The following FBLN7 variants were observed in gnomAD, a reference collection of about 807,000 sequenced individuals.
FBLN7 encodes fibulin 7.
Under a neutral mutation model 44.0 loss-of-function variants are expected in FBLN7, and 31 were observed. The ratio of observed to expected loss-of-function variants is 0.70; its 90% CI spans 0.53 to 0.95. The LOEUF is 0.95. Ranked by LOEUF, FBLN7 falls within the 40% of genes least tolerant of loss-of-function variation. The probability of loss-of-function intolerance (pLI) is 0.00; values close to 1 mark genes in which losing one functional copy is unlikely to be tolerated. For missense variants in FBLN7, 573 were observed against 618.5 expected (o/e 0.93, Z 0.78); for synonymous variants, 262 against 253.4 (o/e 1.03, Z -0.32).
chr2:112,200,031 T>C, the FBLN7 span, among the ~76,000 whole-genome samples: 2 of 152,212 alleles, frequency 1.3e-5, no homozygotes, highest in Non-Finnish European at 2.9e-5. Flanking sequence ...TATTCTGTTA[T>C]AGCAACAGAA....
chr2:112,216,821 G>A, the FBLN7 span, among the ~76,000 whole-genome samples: 1 of 151,478 alleles, frequency 6.6e-6, no homozygotes, highest in African/African-American at 2.4e-5. Flanking sequence ...AAACATTATC[G>A]GACAAAAGCA....
chr2:112,229,035 G>T, the FBLN7 span, among the ~76,000 whole-genome samples: 1 of 152,172 alleles, frequency 6.6e-6, no homozygotes, highest in Non-Finnish European at 1.5e-5. Flanking sequence ...TAATCAAAAT[G>T]ACTGACAGTA....
intron 3 of FBLN7, among the ~76,000 whole-genome samples, chr2:112,173,934 G>A (rs1021912028): frequency 2.6e-5 from 4 of 152,208 alleles, no homozygotes; most frequent in Non-Finnish European, 2.9e-5. Flanking sequence ...CAGAGTGTAC[G>A]GTCCTGGGAC....
the FBLN7 span, among the ~76,000 whole-genome samples, chr2:112,200,594 G>C: frequency 1.3e-5 from 2 of 152,092 alleles, no homozygotes; most frequent in African/African-American, 2.4e-5. Flanking sequence ...GAGTGCAGTC[G>C]CACAATCTCG....
rs376717213 is a variant in FBLN7, at chr2:112,165,223, A to G, written c.406+52A>G. ...GCGCTGGACCCATCACAGTATAGCAAGGGTTTCTTGCATAGAAAGGGTCAT... is the reference window on the plus strand; with the variant it reads ...GCGCTGGACCCATCACAGTATAGCAGGGGTTTCTTGCATAGAAAGGGTCAT... On this transcript the variant is annotated intron_variant, in intron 3 of 7. Coordinates refer to ENST00000331203, the MANE Select transcript of FBLN7 (RefSeq NM_153214.3). The G allele has an allele frequency of 1.4e-4, 214 of 1,567,056 alleles. No individual in the cohort carries two copies. In the African/African-American group the frequency reaches 2.3e-3, roughly 17 times the overall value.
At chr2:112,160,056 T>C (rs1204563690) in intron 2 of FBLN7, among the ~76,000 whole-genome samples, 2 of 152,162 alleles carry the variant, frequency 1.3e-5, no homozygotes, top group Non-Finnish European at 2.9e-5. Context: ...AGTGGCGCGA[T>C]CTCGGCTCAC....
At chr2:112,235,989 T>G in the FBLN7 span, among the ~76,000 whole-genome samples, 1 of 147,528 alleles carries the variant, frequency 6.8e-6, no homozygotes, top group African/African-American at 2.5e-5. Context: ...GGCTCATGCC[T>G]GTAATCCCAG....
chr2:112,157,807 C>T (rs1051137625), intron 1 of FBLN7, among the ~76,000 whole-genome samples: 5 of 152,024 alleles, frequency 3.3e-5, no homozygotes, highest in Non-Finnish European at 5.9e-5. Flanking sequence ...AGTCTGTTGC[C>T]CAGGGTGGTC....
At chr2:112,160,415 A>C (rs1042583641) in intron 2 of FBLN7, among the ~76,000 whole-genome samples, 2 of 152,056 alleles carry the variant, frequency 1.3e-5, no homozygotes, top group African/African-American at 2.4e-5. Flanking sequence ...CAGCCTTTTC[A>C]TTCTGGCCTT....
At chr2:112,236,050 G>C in the FBLN7 span, among the ~76,000 whole-genome samples, 1 of 151,924 alleles carries the variant, frequency 6.6e-6, no homozygotes, top group Non-Finnish European at 1.5e-5. Context: ...GATCACCTGA[G>C]GTCAGGAGTT....
chr2:112,205,690 C>A, the FBLN7 span, among the ~76,000 whole-genome samples: 1 of 152,086 alleles, frequency 6.6e-6, no homozygotes, highest in African/African-American at 2.4e-5. Flanking sequence ...TTGTCTGTCA[C>A]TTCACCAGTA....
At chr2:112,173,033 C>A (rs1012604390) in intron 3 of FBLN7, among the ~76,000 whole-genome samples, 3 of 152,146 alleles carry the variant, frequency 2.0e-5, no homozygotes, top group Non-Finnish European at 2.9e-5. Context: ...ATTAAGGAGA[C>A]TTTAACGGGA....
intron 1 of FBLN7, chr2:112,151,753 G>A (rs971411941): frequency 3.3e-5 from 5 of 152,168 alleles, no homozygotes; most frequent in African/African-American, 1.2e-4. Context: ...TCATATACCC[G>A]GCTTGTGTAC....
At chr2:112,145,433 TA>T (rs1406512866) in intron 1 of FBLN7, among the ~76,000 whole-genome samples, 1 of 152,170 alleles carries the variant, frequency 6.6e-6, no homozygotes, top group Admixed American at 6.5e-5. Flanking sequence ...TGATTGTTTT[TA>T]ATAAATTTTG....
At chr2:112,233,826 GCCACTGCACT>G in the FBLN7 span, among the ~76,000 whole-genome samples, 2 of 151,946 alleles carry the variant, frequency 1.3e-5, no homozygotes, top group Non-Finnish European at 2.9e-5. Flanking sequence ...CCGAGAATGC[GCCACTGCACT>G]CCAGCCCAGG....
intron 3 of FBLN7, among the ~76,000 whole-genome samples, chr2:112,172,371 G>T (rs1358196715): frequency 6.6e-6 from 1 of 152,140 alleles, no homozygotes; most frequent in Non-Finnish European, 1.5e-5. Flanking sequence ...TTCAAAAAGT[G>T]TGCAGCTTTT....
the FBLN7 span, among the ~76,000 whole-genome samples, chr2:112,199,234 C>A: frequency 1.3e-5 from 2 of 152,178 alleles, no homozygotes; most frequent in Non-Finnish European, 2.9e-5. Context: ...TCCCTGCATG[C>A]AACTCTCCCT....
At chr2:112,242,306 G>C in the FBLN7 span, among the ~76,000 whole-genome samples, 1 of 152,104 alleles carries the variant, frequency 6.6e-6, no homozygotes, top group African/African-American at 2.4e-5. Flanking sequence ...CATGACACTT[G>C]AAAACTATAT....
At chr2:112,236,931 CTGTAG>C in the FBLN7 span, among the ~76,000 whole-genome samples, 1 of 152,118 alleles carries the variant, frequency 6.6e-6, no homozygotes, top group Non-Finnish European at 1.5e-5. Context: ...TGGTGCACGC[CTGTAG>C]TCCAGCTACT....
Sources: allele counts gnomAD v4.1 joint callset (sites outside exome capture counted in the v4.1 genomes callset), GRCh38; gene constraint gnomAD v4.1.1; transcripts MANE v1.5; gene names NCBI Gene and HGNC (gene_info 2026-07-23, HGNC 2026-07-21).